WDHD1: variants seen among roughly 807,000 people sequenced by gnomAD.
WDHD1 encodes the protein WD repeat and HMG-box DNA-binding protein 1.
Under a neutral mutation model 135.4 loss-of-function variants are expected in WDHD1, and 111 were observed. That is an observed-to-expected ratio of 0.82 (90% CI 0.70 to 0.96). WDHD1 has a LOEUF of 0.96. Among genes scored for constraint, WDHD1 ranks in the 40% least tolerant of loss-of-function variants. The pLI, the probability that WDHD1 is intolerant of heterozygous loss-of-function variation, is 0.00. For synonymous variants in WDHD1, 434 were observed against 439.0 expected (o/e 0.99, Z 0.14); for missense variants, 1,351 against 1,336.3 (o/e 1.01, Z -0.17).
intron 2 of WDHD1, among the ~76,000 whole-genome samples, chr14:55,019,017 C>G (rs1566745947): frequency 6.6e-6 from 1 of 152,116 alleles, no homozygotes; most frequent in Non-Finnish European, 1.5e-5. Flanking sequence ...GAGTGAAACT[C>G]TGACTCAAAC....
At position 55,008,823 on chromosome 14, in the gene WDHD1, C is replaced by T. The variant is rs777718809; in HGVS notation, c.342-104G>A. On this transcript the variant is annotated intron_variant, in intron 4 of 25. Coordinates refer to ENST00000360586, the MANE Select transcript of WDHD1 (RefSeq NM_007086.4). The stretch of plus-strand genomic sequence containing the variant: ...TTTTTTTTTTTTTTTCTTTTTGAGA[C>T]GGAGTCTCACTCTGTCACCCAGGCT... 9.1e-5 allele frequency: 77 copies of T among 846,980 alleles called. No homozygotes were observed. In the African/African-American group the frequency reaches 1.1e-3, roughly 12 times the overall value. The allele number at this position is 846,980 out of a possible 1,614,324, so 52.5% of individuals were successfully genotyped here.
chr14:54,954,659 TTCTA>T (rs1368356748), intron 24 of WDHD1, among the ~76,000 whole-genome samples: 1 of 152,254 alleles, frequency 6.6e-6, no homozygotes, highest in Non-Finnish European at 1.5e-5. Flanking sequence ...GCTCTTATTT[TTCTA>T]TCTATCCATC....
chr14:54,996,414 C>A (rs1566733578), intron 10 of WDHD1, among the ~76,000 whole-genome samples: 1 of 152,120 alleles, frequency 6.6e-6, no homozygotes, highest in African/African-American at 2.4e-5. Flanking sequence ...TCGAGACCAG[C>A]CTGGACAACA....
intron 7 of WDHD1, chr14:55,004,876 A>G (rs538872449): frequency 1.9e-6 from 1 of 519,458 alleles, no homozygotes; most frequent in Non-Finnish European, 3.8e-6. Context: ...GCCGCAGACC[A>G]GTCTTCTGTG....
chr14:55,011,865 A>G (rs957871369), intron 3 of WDHD1, among the ~76,000 whole-genome samples: 3 of 152,136 alleles, frequency 2.0e-5, no homozygotes, highest in Admixed American at 6.6e-5. Context: ...TCTCAATTGA[A>G]AGACCCTTCA....
In WDHD1 at chr14:55,013,194, C is replaced by CAAAAAAAAAAAAAAAAAAAA. The variant is rs71448422; in HGVS notation, c.189+271_189+290dup. On this transcript the variant is annotated intron_variant, in intron 3 of 25. Coordinates refer to ENST00000360586, the MANE Select transcript of WDHD1 (RefSeq NM_007086.4). ...TGAGCAACATGGCAAGATCCCGTTT[C>CAAAAAAAAAAAAAAAAAAAA]AAAAAAAAAAAAAAAAAAAAAAAAT... Among the ~76,000 whole-genome samples the CAAAAAAAAAAAAAAAAAAAA allele has an allele frequency of 1.0e-3, 84 of 82,318 alleles. 3 individuals carry two copies. Among genetic ancestry groups the CAAAAAAAAAAAAAAAAAAAA allele is most frequent in the African/African-American group, 2.0e-3 (38 of 19,326 alleles). The allele number at this position is 82,318 out of a possible 152,430, so 54.0% of individuals were successfully genotyped here. A position where few individuals can be genotyped will look rare whatever the true frequency, so the allele number is the denominator to read the frequency against.
Position 54,939,944 on chromosome 14 carries a change from C to T in WDHD1, c.*1546G>A, listed in dbSNP as rs2040815296. Reference sequence around the variant, plus strand: ...GAACCAAACACAAAATACATGTCTACAAACATGCTTTCCAATGTACTATAA... The same window carrying T: ...GAACCAAACACAAAATACATGTCTATAAACATGCTTTCCAATGTACTATAA... On this transcript the variant is annotated 3_prime_UTR_variant, in exon 26 of 26. Coordinates refer to ENST00000360586, the MANE Select transcript of WDHD1 (RefSeq NM_007086.4). 6.6e-6 allele frequency: 1 copy of T among 152,162 alleles called. No individual in the cohort carries two copies. The highest frequency in any genetic ancestry group is 2.4e-5 in the African/African-American group (1 of 41,436). The allele number at this position is 152,162 out of a possible 1,614,324, so 9.4% of individuals were successfully genotyped here.
chr14:55,027,033 T>A lies in WDHD1; in HGVS notation c.-22A>T, dbSNP rs547514091. Reference sequence around the variant, plus strand: ...CAGCCGGAGTGGGGACTCACCCGGGTGACCGAGCCTCCGCCACTGAGGATC... The same window carrying A: ...CAGCCGGAGTGGGGACTCACCCGGGAGACCGAGCCTCCGCCACTGAGGATC... On this transcript the variant is annotated 5_prime_UTR_variant, in exon 1 of 26. Coordinates refer to ENST00000360586, the MANE Select transcript of WDHD1 (RefSeq NM_007086.4). The A allele has an allele frequency of 7.6e-5, 38 of 499,844 alleles. No homozygotes were observed. Among genetic ancestry groups the A allele is most frequent in the South Asian group, 5.5e-4 (24 of 43,616 alleles). The allele number at this position is 499,844 out of a possible 1,614,324, so 31.0% of individuals were successfully genotyped here. A position where few individuals can be genotyped will look rare whatever the true frequency, so the allele number is the denominator to read the frequency against.
chr14:54,966,164 T>TAAAAA (rs34071862), intron 18 of WDHD1, among the ~76,000 whole-genome samples: 32 of 67,172 alleles, frequency 4.8e-4, no homozygotes, highest in African/African-American at 1.9e-3. Context: ...CCATCTCTAC[T>TAAAAA]AAAAAAAAAA....
At chr14:54,954,382 A>G (rs2041116280) in intron 24 of WDHD1, among the ~76,000 whole-genome samples, 1 of 152,260 alleles carries the variant, frequency 6.6e-6, no homozygotes, top group Non-Finnish European at 1.5e-5. Context: ...ATGAGCAAAT[A>G]GGAATACTCA....
In WDHD1 at chr14:55,019,990, C is replaced by T. The variant is rs2042319191; in HGVS notation, c.78-6394G>A. Among the ~76,000 whole-genome samples the T allele has an allele frequency of 3.3e-5, 5 of 152,350 alleles. No homozygotes were observed. The South Asian group carries it at 1.0e-3, about 32-fold the overall frequency. Reference sequence around the variant, plus strand: ...ACCAACGCATTTCTTACTACCTCAACTCTATCCTCAGAGAGCAACATTCCT... The same window carrying T: ...ACCAACGCATTTCTTACTACCTCAATTCTATCCTCAGAGAGCAACATTCCT... On this transcript the variant is annotated intron_variant, in intron 2 of 25. Coordinates refer to ENST00000360586, the MANE Select transcript of WDHD1 (RefSeq NM_007086.4).
intron 12 of WDHD1, among the ~76,000 whole-genome samples, chr14:54,989,633 A>G (rs2041751927): frequency 6.6e-6 from 1 of 152,166 alleles, no homozygotes; most frequent in African/African-American, 2.4e-5. Flanking sequence ...TTCTATGATA[A>G]AATAAATACA....
chr14:54,943,484 T>A (rs1396299641), intron 25 of WDHD1, among the ~76,000 whole-genome samples: 1 of 152,090 alleles, frequency 6.6e-6, no homozygotes, highest in East Asian at 1.9e-4. Flanking sequence ...AGCCTTGACC[T>A]CCTGGGCTCA....
intron 20 of WDHD1, 42 bp from the exon 21 acceptor site, chr14:54,962,593 T>G (rs758526993): frequency 8.4e-6 from 13 of 1,552,750 alleles, no homozygotes; most frequent in Non-Finnish European, 1.2e-5. Context: ...ATGGGGAAAA[T>G]ATAGTCATCC....
intron 18 of WDHD1, among the ~76,000 whole-genome samples, chr14:54,964,707 T>C (rs1188760537): frequency 6.6e-6 from 1 of 152,100 alleles, no homozygotes; most frequent in Non-Finnish European, 1.5e-5. Flanking sequence ...TAAAGGCATT[T>C]GCCCGGGGGT....
chr14:54,951,555 A>G (rs377622390), intron 24 of WDHD1, among the ~76,000 whole-genome samples: 1 of 152,194 alleles, frequency 6.6e-6, no homozygotes, highest in African/African-American at 2.4e-5. Flanking sequence ...ATTCACAGCC[A>G]AATTCTACCA....
At chr14:54,989,558 T>A (rs1421496818) in intron 12 of WDHD1, among the ~76,000 whole-genome samples, 1 of 152,082 alleles carries the variant, frequency 6.6e-6, no homozygotes, top group African/African-American at 2.4e-5. Context: ...TCAAAAGAAA[T>A]ATTTCAAAAA....
At chr14:55,024,366 G>C (rs527397607) in intron 2 of WDHD1, among the ~76,000 whole-genome samples, 4 of 152,174 alleles carry the variant, frequency 2.6e-5, no homozygotes, top group Non-Finnish European at 5.9e-5. Context: ...TTTGCAAGTG[G>C]AAGCATCACT....
Position 54,944,367 on chromosome 14 carries a change from T to G in WDHD1, c.3154A>C (p.Ile1052Leu). The G allele has an allele frequency of 6.2e-7, 1 of 1,608,224 alleles. No homozygotes were observed. The highest frequency in any genetic ancestry group is 8.5e-7 in the Non-Finnish European group (1 of 1,178,896). ...DEADIIKEGM[I>L]RFRVLSTEER... ...TCAGTTGACAATACTCTAAATCGAA[T>G]CATTCCTTCTTTTATTATGTCTGCT... The change falls in exon 25 of 26, where the codon ATT becomes CTT. Residue 1052 changes from isoleucine (I) to leucine (L), a missense_variant. By Grantham distance (5) the Ile-to-Leu change is conservative. Around this residue, in one of 2 missense-constraint regions of WDHD1, gnomAD observed 1,330 missense variants for 1,296.1 expected, o/e 1.03. Coordinates refer to ENST00000360586, the MANE Select transcript of WDHD1 (RefSeq NM_007086.4).
Sources: gnomAD v4.1 joint callset for allele counts (sites outside exome capture counted in the v4.1 genomes callset) on GRCh38, gnomAD v4.1.1 for gene constraint, gnomAD v4.1.1 regional missense constraint, MANE v1.5 for transcripts, NCBI Gene and HGNC (gene_info 2026-07-23, HGNC 2026-07-21) for gene names.